DAPK1: variants seen among roughly 807,000 people sequenced by gnomAD.
DAPK1 encodes death-associated protein kinase 1.
Under a neutral mutation model 144.9 loss-of-function variants are expected in DAPK1, and 56 were observed. The ratio of observed to expected loss-of-function variants is 0.39; its 90% CI spans 0.31 to 0.48. DAPK1 has a LOEUF of 0.48. Among genes scored for constraint, DAPK1 ranks in the 20% least tolerant of loss-of-function variants. DAPK1 has a pLI of 0.95. For synonymous variants in DAPK1, 690 were observed against 749.0 expected (o/e 0.92, Z 1.29); for missense variants, 1,454 against 1,875.4 (o/e 0.78, Z 4.15).
chr9:87,560,149 C>T (rs1276115040), intron 2 of DAPK1, among the ~76,000 whole-genome samples: 4 of 139,884 alleles, frequency 2.9e-5, no homozygotes, highest in African/African-American at 1.2e-4. Flanking sequence ...TGCCACCACG[C>T]CTGGCTAATT....
At chr9:87,603,682 A>G (rs2118952482) in intron 2 of DAPK1, among the ~76,000 whole-genome samples, 1 of 152,338 alleles carries the variant, frequency 6.6e-6, no homozygotes, top group African/African-American at 2.4e-5. Flanking sequence ...TCCAGCAGGT[A>G]CCAAGAAACA....
chr9:87,648,381 A>C (rs1340559001), intron 14 of DAPK1, among the ~76,000 whole-genome samples: 2 of 152,286 alleles, frequency 1.3e-5, no homozygotes, highest in Admixed American at 1.3e-4. Context: ...TGAAATGAGA[A>C]GCTTATTAAT....
chr9:87,645,801 C>G (rs1290320075), intron 11 of DAPK1, 94 bp from the exon 12 acceptor site: 2 of 1,489,446 alleles, frequency 1.3e-6, no homozygotes, highest in African/African-American at 1.4e-5. Context: ...TCTGAATGCC[C>G]CTGTTAACAA....
chr9:87,605,048 C>T lies in DAPK1; in HGVS notation c.157C>T (p.Arg53Trp), dbSNP rs774238093. The T allele has an allele frequency of 1.2e-5, 20 of 1,614,078 alleles. No homozygotes were observed. The highest frequency in any genetic ancestry group is 6.6e-5 in the South Asian group (6 of 91,092). The stretch of plus-strand genomic sequence containing the variant: ...CAAGAAAAGGAGGACTAAGTCCAGC[C>T]GGCGGGGTGTGAGCCGCGAGGACAT... The part of the protein sequence containing the change: ...FIKKRRTKSS[R>W]RGVSREDIER... The change falls in exon 3 of 26, where the codon CGG becomes TGG. Residue 53 changes from arginine to tryptophan, a missense_variant. Coordinates refer to ENST00000408954, the MANE Select transcript of DAPK1 (RefSeq NM_004938.4).
At chr9:87,502,838 C>T (rs139731652) in intron 2 of DAPK1, among the ~76,000 whole-genome samples, 66 of 152,254 alleles carry the variant, frequency 4.3e-4, no homozygotes, top group African/African-American at 1.5e-3. Context: ...GGGGTGTGCC[C>T]TGTGGTTTGG....
At chr9:87,515,199 A>T (rs557384138) in intron 2 of DAPK1, among the ~76,000 whole-genome samples, 2 of 152,322 alleles carry the variant, frequency 1.3e-5, no homozygotes, top group South Asian at 4.1e-4. Flanking sequence ...AAATATGGTA[A>T]GCTTCGTGGG....
At chr9:87,675,896 C>CACACACACACACACACACACACACACA (rs1554702840) in intron 19 of DAPK1, among the ~76,000 whole-genome samples, 5 of 141,580 alleles carry the variant, frequency 3.5e-5, no homozygotes, top group African/African-American at 1.3e-4. Context: ...CACACACACA[C>CACACACACACACACACACACACACACA]CCTTATGACC....
intron 2 of DAPK1, among the ~76,000 whole-genome samples, chr9:87,556,397 C>G (rs11141881): frequency 0.35 from 52,519 of 151,942 alleles, 9,406 homozygotes; most frequent in Middle Eastern, 0.5. Context: ...TGTACCTGTA[C>G]CCACTGTGCA....
intron 3 of DAPK1, among the ~76,000 whole-genome samples, chr9:87,626,305 C>G (rs947469543): frequency 3.3e-5 from 5 of 152,120 alleles, no homozygotes; most frequent in African/African-American, 1.2e-4. Context: ...ATCCCAGCTA[C>G]TCGGGAGGCT....
At chr9:87,696,084 C>T (rs1261734504) in intron 21 of DAPK1, among the ~76,000 whole-genome samples, 2 of 152,000 alleles carry the variant, frequency 1.3e-5, no homozygotes, top group Non-Finnish European at 2.9e-5. Flanking sequence ...CCTGATGGAT[C>T]TTTGTTTTTT....
intron 2 of DAPK1, among the ~76,000 whole-genome samples, chr9:87,543,122 AAG>A (rs1217185123): frequency 1.3e-5 from 2 of 152,224 alleles, no homozygotes; most frequent in Non-Finnish European, 2.9e-5. Flanking sequence ...GTTAAAATAA[AAG>A]AACATATAAA....
In DAPK1 at chr9:87,676,638, C is replaced by G. The variant is rs1225095428; in HGVS notation, c.2002-4766C>G. 2.6e-5 allele frequency among the ~76,000 whole-genome samples: 4 copies of G among 152,224 alleles called. No homozygotes were observed. In the East Asian group the frequency reaches 7.7e-4, roughly 29 times the overall value. On this transcript the variant is annotated intron_variant, in intron 19 of 25. Transcript: ENST00000408954. ...AGATCAGCGCAGTTTCCTGGCCTCT[C>G]TTCCCAAAGACTTGGTGAAGGGTGA...
intron 2 of DAPK1, among the ~76,000 whole-genome samples, chr9:87,571,522 CACACA>C (rs1240475225): frequency 1.4e-5 from 2 of 144,378 alleles, no homozygotes; most frequent in African/African-American, 5.2e-5. Context: ...CACACACACA[CACACA>C]CCAGAAGCGA....
At position 87,627,469 on chromosome 9, in the gene DAPK1, C is replaced by T. The variant is rs36209734; in HGVS notation, c.285-10474C>T. 6.9e-3 allele frequency among the ~76,000 whole-genome samples: 1,053 copies of T among 152,248 alleles called. 14 individuals carry two copies. The highest frequency in any genetic ancestry group is 0.029 in the Admixed American group (445 of 15,296). ...GAATGGCCAACACCTCCTCCCTGCTCAGCCCAGCCACCCACCCCCTTTGCT... is the reference window on the plus strand; with the variant it reads ...GAATGGCCAACACCTCCTCCCTGCTTAGCCCAGCCACCCACCCCCTTTGCT... On this transcript the variant is annotated intron_variant, in intron 3 of 25. Transcript: ENST00000408954.
At chr9:87,645,838 T>C in intron 11 of DAPK1, 57 bp from the exon 12 acceptor site, 5 of 1,595,310 alleles carry the variant, frequency 3.1e-6, no homozygotes, top group Non-Finnish European at 4.3e-6. Context: ...TTTATGTTGG[T>C]AAGAAAAGCA....
chr9:87,605,924 C>A (rs1828699429), intron 3 of DAPK1, among the ~76,000 whole-genome samples: 1 of 152,208 alleles, frequency 6.6e-6, no homozygotes, highest in African/African-American at 2.4e-5. Flanking sequence ...GGGCGCACAT[C>A]TGCTCTGTCT....
At chr9:87,632,846 G>T in intron 3 of DAPK1, 2 of 970,598 alleles carry the variant, frequency 2.1e-6, no homozygotes, top group Non-Finnish European at 2.4e-6. Context: ...GAAGGATGAT[G>T]AGTACCTATG....
At chr9:87,497,759 A>T (rs1438542916), upstream of DAPK1, 6 of 318,624 alleles carry the variant, frequency 1.9e-5, no homozygotes, top group Non-Finnish European at 2.8e-5. Context: ...CCGGCCTGGC[A>T]GGGCAGCTCG....
At chr9:87,675,699 G>A (rs1824342678) in intron 19 of DAPK1, among the ~76,000 whole-genome samples, 1 of 152,038 alleles carries the variant, frequency 6.6e-6, no homozygotes, top group South Asian at 2.1e-4. Context: ...GATCTTGGCA[G>A]CCAGGGGAGA....
Sources: allele counts gnomAD v4.1 joint callset (sites outside exome capture counted in the v4.1 genomes callset), GRCh38; gene constraint gnomAD v4.1.1; transcripts MANE v1.5; gene names NCBI Gene and HGNC (gene_info 2026-07-23, HGNC 2026-07-21).